SLMAP: variants seen among roughly 807,000 people sequenced by gnomAD.
The protein encoded by SLMAP is sarcolemma associated protein, also known as sarcolemmal membrane-associated protein.
A neutral mutation model predicts 128.8 loss-of-function variants in SLMAP; 44 were observed. The observed-to-expected ratio is 0.34, with a 90% CI of 0.27 to 0.44. SLMAP has a LOEUF of 0.44. Ranked by LOEUF, SLMAP falls within the 20% of genes least tolerant of loss-of-function variation. The pLI, the probability that SLMAP is intolerant of heterozygous loss-of-function variation, is 1.00. For synonymous variants in SLMAP, 327 were observed against 348.8 expected (o/e 0.94, Z 0.70); for missense variants, 787 against 985.3 (o/e 0.80, Z 2.69).
At chr3:57,891,552 C>G (rs1403839591) in intron 15 of SLMAP, among the ~76,000 whole-genome samples, 1 of 150,910 alleles carries the variant, frequency 6.6e-6, no homozygotes, top group East Asian at 1.9e-4. Context: ...TTTGATCCAA[C>G]AATTCCACTT....
Position 57,822,743 on chromosome 3 carries a change from C to T in SLMAP, c.199-8640C>T, listed in dbSNP as rs144191624. On this transcript the variant is annotated intron_variant, in intron 2 of 24. Transcript: ENST00000671191. ...TTGCTATTTTTAATTGCTGAGGTGCCAGCTGTTTCAACCCCCACAAGCTGA... is the reference window on the plus strand; with the variant it reads ...TTGCTATTTTTAATTGCTGAGGTGCTAGCTGTTTCAACCCCCACAAGCTGA... Among the ~76,000 whole-genome samples the T allele has an allele frequency of 2.8e-3, 419 of 152,196 alleles. 3 individuals carry two copies. The highest frequency in any genetic ancestry group is 9.3e-3 in the African/African-American group (387 of 41,528).
At chr3:57,808,434 TC>T (rs1328723893) in intron 2 of SLMAP, among the ~76,000 whole-genome samples, 2 of 152,202 alleles carry the variant, frequency 1.3e-5, no homozygotes, top group Non-Finnish European at 2.9e-5. Context: ...TTTAGCTGTG[TC>T]CCAGAGATTC....
chr3:57,843,747 C>CCTTTCTCTCT (rs2094088489), intron 4 of SLMAP, among the ~76,000 whole-genome samples: 1 of 144,130 alleles, frequency 6.9e-6, no homozygotes, highest in East Asian at 2.0e-4. Context: ...TCTTTCTCTC[C>CCTTTCTCTCT]CTTTCTCTCT....
chr3:57,851,913 C>T (rs2094518926), intron 6 of SLMAP, among the ~76,000 whole-genome samples: 1 of 151,798 alleles, frequency 6.6e-6, no homozygotes, highest in Non-Finnish European at 1.5e-5. Flanking sequence ...GATCCTGGGT[C>T]CCTATATTCT....
chr3:57,852,709 A>T (rs1374631423), intron 6 of SLMAP, among the ~76,000 whole-genome samples: 1 of 152,220 alleles, frequency 6.6e-6, no homozygotes, highest in East Asian at 1.9e-4. Context: ...TTCATATGAG[A>T]AATGTGGGGC....
chr3:57,803,699 T>A (rs561649342), intron 2 of SLMAP, among the ~76,000 whole-genome samples: 1 of 152,310 alleles, frequency 6.6e-6, no homozygotes, highest in East Asian at 1.9e-4. Flanking sequence ...ACTCAAACTC[T>A]GGAGGCACAA....
chr3:57,885,771 C>CTTTATTTTT (rs2095866801), intron 14 of SLMAP, among the ~76,000 whole-genome samples: 1 of 53,574 alleles, frequency 1.9e-5, no homozygotes, highest in Non-Finnish European at 3.3e-5. Flanking sequence ...GTTTTTGGTT[C>CTTTATTTTT]TTTTTTTTTT....
intron 2 of SLMAP, among the ~76,000 whole-genome samples, chr3:57,764,139 T>C (rs890492177): frequency 6.6e-6 from 1 of 152,100 alleles, no homozygotes; most frequent in Non-Finnish European, 1.5e-5. Context: ...AAGCTTAGGA[T>C]GTGGACCCTT....
At chr3:57,842,310 T>C (rs141081050) in intron 4 of SLMAP, among the ~76,000 whole-genome samples, 7 of 152,274 alleles carry the variant, frequency 4.6e-5, no homozygotes, top group Non-Finnish European at 5.9e-5. Flanking sequence ...TGAAGCAAAA[T>C]AGCATAGGTT....
chr3:57,914,115 T>A (rs2096759173), intron 21 of SLMAP, among the ~76,000 whole-genome samples: 1 of 152,194 alleles, frequency 6.6e-6, no homozygotes, highest in Non-Finnish European at 1.5e-5. Context: ...GACAAGCAAA[T>A]CAGTGAATGC....
Position 57,847,121 on chromosome 3 carries a change from G to A in SLMAP, c.420-76G>A. On this transcript the variant is annotated intron_variant, in intron 4 of 24. Transcript: ENST00000671191. Reference sequence around the variant, plus strand: ...CAAATGTATAAACTTTGTGGTGTAAGATATTCTGGTGCTCTCATACTCTGT... The same window carrying A: ...CAAATGTATAAACTTTGTGGTGTAAAATATTCTGGTGCTCTCATACTCTGT... 5 of 877,358 alleles carry A rather than the reference G, an allele frequency of 5.7e-6. No homozygotes were observed. In the South Asian group the frequency reaches 7.6e-5, roughly 13 times the overall value. The allele number at this position is 877,358 out of a possible 1,614,324, so 54.3% of individuals were successfully genotyped here.
At chr3:57,902,071 A>G (rs1224907677) in intron 17 of SLMAP, 1 of 152,290 alleles carries the variant, frequency 6.6e-6, no homozygotes, top group East Asian at 1.9e-4. Flanking sequence ...ACTAAATATA[A>G]TGTATGAACC....
chr3:57,859,585 C>T (rs1293717518), intron 8 of SLMAP, among the ~76,000 whole-genome samples: 1 of 152,042 alleles, frequency 6.6e-6, no homozygotes, highest in African/African-American at 2.4e-5. Context: ...AAACAATGGC[C>T]ATTGTTTTTT....
intron 2 of SLMAP, among the ~76,000 whole-genome samples, chr3:57,780,061 T>A (rs2082703077): frequency 6.6e-6 from 1 of 151,582 alleles, no homozygotes; most frequent in Non-Finnish European, 1.5e-5. Flanking sequence ...GAACATAACC[T>A]CCCTAACTAT....
intron 14 of SLMAP, among the ~76,000 whole-genome samples, chr3:57,875,492 G>A (rs2095584200): frequency 6.6e-6 from 1 of 152,186 alleles, no homozygotes; most frequent in South Asian, 2.1e-4. Flanking sequence ...TCCAGCCTGG[G>A]CTACAGAGCA....
intron 14 of SLMAP, among the ~76,000 whole-genome samples, chr3:57,872,556 T>C (rs190465659): frequency 8.7e-4 from 132 of 152,128 alleles, no homozygotes; most frequent in African/African-American, 3.0e-3. Flanking sequence ...GAGGTGGAGG[T>C]TGCAGTGAGC....
intron 2 of SLMAP, among the ~76,000 whole-genome samples, chr3:57,766,744 A>C (rs2079815837): frequency 6.6e-6 from 1 of 152,120 alleles, no homozygotes; most frequent in African/African-American, 2.4e-5. Flanking sequence ...TTTCTAGAAC[A>C]AGTGCCTTTT....
At chr3:57,778,920 A>G (rs753971247) in intron 2 of SLMAP, among the ~76,000 whole-genome samples, 3 of 152,024 alleles carry the variant, frequency 2.0e-5, no homozygotes, top group Non-Finnish European at 4.4e-5. Flanking sequence ...CTGTATATCT[A>G]TTGACCCAGC....
chr3:57,907,978 A>G lies in SLMAP; in HGVS notation c.1596A>G (p.Thr532=). ...ELIEAQELAR[T]SKQKCFELQA... is the part of the protein sequence containing the mutation. ...TCGAAGCCCAGGAGCTAGCTAGAACAAGTAAACAAAAATGCTTTGAACTTC... is the reference window on the plus strand; with the variant it reads ...TCGAAGCCCAGGAGCTAGCTAGAACGAGTAAACAAAAATGCTTTGAACTTC... The change falls in exon 18 of 25, where the codon ACA becomes ACG. Residue 532 remains threonine, a synonymous_variant. Coordinates refer to ENST00000671191, the MANE Select transcript of SLMAP (RefSeq NM_001377540.1). 6.2e-7 allele frequency: 1 copy of G among 1,613,864 alleles called. No individual in the cohort carries two copies. Among genetic ancestry groups the G allele is most frequent in the Non-Finnish European group, 8.5e-7 (1 of 1,179,830 alleles).
Sources: gnomAD v4.1 joint callset for allele counts (sites outside exome capture counted in the v4.1 genomes callset) on GRCh38, gnomAD v4.1.1 for gene constraint, MANE v1.5 for transcripts, NCBI Gene and HGNC (gene_info 2026-07-23, HGNC 2026-07-21) for gene names.